Variants in GABRE observed in about 807,000 individuals in gnomAD.
GABRE encodes gamma-aminobutyric acid type A receptor subunit epsilon.
A neutral mutation model predicts 31.0 loss-of-function variants in GABRE; 20 were observed. That is an observed-to-expected ratio of 0.64 (90% CI 0.45 to 0.94). GABRE has a LOEUF of 0.94. Among genes scored for constraint, GABRE ranks in the 40% least tolerant of loss-of-function variants. The pLI is 0.00. For synonymous variants in GABRE, 155 were observed against 150.6 expected, an observed-to-expected ratio of 1.03 and a Z score of -0.21; for missense variants, 420 against 410.7, an observed-to-expected ratio of 1.02 and a Z score of -0.20.
At position 151,969,733 on chromosome X, in the gene GABRE, T is replaced by G. The variant is rs776383079; in HGVS notation, c.278A>C (p.Lys93Thr). The part of the protein sequence containing the change: ...DHKLRPGIGE[K>T]PTVVTVEISV... ...GATCTCAACAGTGACCACAGTGGGC[T>G]TCTCTATAAGGGAAGCAGAAGCAGC... The change falls in exon 3 of 9, where the codon AAG becomes ACG. Residue 93 changes from lysine (K) to threonine (T), a missense_variant. By Grantham distance (78) the Lys-to-Thr change is moderately conservative. Transcript: ENST00000370328. 8.3e-7 allele frequency: 1 copy of G among 1,209,654 alleles called. No individual in the cohort carries two copies. Among genetic ancestry groups the G allele is most frequent in the East Asian group, 3.0e-5 (1 of 33,787 alleles).
intron 3 of GABRE, among the ~76,000 whole-genome samples, chrX:151,967,614 C>A (rs1031412030): frequency 8.9e-6 from 1 of 112,401 alleles, no homozygotes; most frequent in Non-Finnish European, 1.9e-5. Flanking sequence ...AATTCATACC[C>A]ATTTTTAAAA....
At chrX:151,973,935 G>C (rs1017751513) in intron 1 of GABRE, among the ~76,000 whole-genome samples, 4 of 111,373 alleles carry the variant, frequency 3.6e-5, no homozygotes, top group African/African-American at 1.3e-4. Flanking sequence ...CAGCGGTGGA[G>C]AGGGGGCATA....
chrX:151,964,315 G>A (rs1245230577), intron 3 of GABRE, among the ~76,000 whole-genome samples: 3 of 111,793 alleles, frequency 2.7e-5, no homozygotes, highest in East Asian at 2.8e-4. Flanking sequence ...CCCTTTACCA[G>A]TGGGCAAAGG....
At chrX:151,955,283 C>T in intron 8 of GABRE, 85 bp downstream of exon 8, 1 of 1,208,194 alleles carries the variant, frequency 8.3e-7, no homozygotes. Context: ...GCAAGCTGAC[C>T]ACCCATGTGC....
intron 1 of GABRE, chrX:151,970,636 T>C (rs1285118918): frequency 2.6e-6 from 1 of 381,765 alleles, no homozygotes; most frequent in Non-Finnish European, 4.4e-6. Context: ...CACTCTTTTA[T>C]TTAAGAAAAA....
chrX:151,971,949 G>A (rs188506938), intron 1 of GABRE: 20 of 397,372 alleles, frequency 5.0e-5, no homozygotes, highest in Admixed American at 1.0e-4. Context: ...CCTGATCTAG[G>A]TGTTGGTTAC....
At chrX:151,958,356 C>A (rs2124155090) in intron 6 of GABRE, 1 of 242,197 alleles carries the variant, frequency 4.1e-6, no homozygotes. Context: ...TCGCCGAGCA[C>A]GTAAGTATGC....
chrX:151,972,081 A>G, intron 1 of GABRE: 1 of 753,595 alleles, frequency 1.3e-6, no homozygotes, highest in African/African-American at 2.3e-5. Flanking sequence ...GTTTCCTAAA[A>G]TAAGGGGTAA....
intron 3 of GABRE, among the ~76,000 whole-genome samples, chrX:151,967,708 A>T (rs951026128): frequency 1.8e-5 from 2 of 112,844 alleles, no homozygotes; most frequent in East Asian, 2.8e-4. Context: ...CTGATTATCA[A>T]GGGAAGAGTC....
rs78664911 is a variant in GABRE, at chrX:151,959,838, C to T, written c.784+1G>A. ...CTTCCGCCAAGCCCTGGCACGCTTA[C>T]CAACTGGGGTTGTGATTATTTCAGT... On this transcript the variant is annotated splice_donor_variant, in intron 6 of 8. Coordinates refer to ENST00000370328, the MANE Select transcript of GABRE (RefSeq NM_004961.4). LOFTEE classifies it high-confidence loss of function. 8.3e-7 allele frequency: 1 copy of T among 1,210,229 alleles called. No individual in the cohort carries two copies. The highest frequency in any genetic ancestry group is 1.1e-6 in the Non-Finnish European group (1 of 894,684).
At chrX:151,957,847 A>G in intron 6 of GABRE, 1 of 165,479 alleles carries the variant, frequency 6.0e-6, no homozygotes. Flanking sequence ...GCAGTGTCAG[A>G]GGGACACAAT....
rs773271370 is a variant in GABRE, at chrX:151,970,287, C to T, written c.172G>A (p.Glu58Lys). The change falls in exon 2 of 9, where the codon GAG becomes AAG. Residue 58 changes from glutamate (E) to lysine (K), a missense_variant. Transcript: ENST00000370328. Reference sequence around the variant, plus strand: ...CCAACTCTGCTCCCAGTCTCAGTCTCAGTTGACTTTGTTTCCTCAGAGAGG... The same window carrying T: ...CCAACTCTGCTCCCAGTCTCAGTCTTAGTTGACTTTGTTTCCTCAGAGAGG... The part of the protein sequence containing the change: ...QLLSEETKST[E>K]TETGSRVGKL... 2 of 1,212,195 alleles carry T rather than the reference C, an allele frequency of 1.6e-6. No homozygotes were observed. Among genetic ancestry groups the T allele is most frequent in the Non-Finnish European group, 2.2e-6 (2 of 895,685 alleles).
rs2124141609 is a variant in GABRE at position 151,954,202 on chromosome X, G to T, written c.*499C>A. The T allele has an allele frequency of 8.7e-6, 1 of 114,851 alleles. No individual in the cohort carries two copies. 9.5% of individuals were successfully genotyped at this position (114,851 alleles called of 1,213,427 possible). A position where few individuals can be genotyped will look rare whatever the true frequency, so the allele number is the denominator to read the frequency against. Reference sequence around the variant, plus strand: ...CAAAGGAGAGGGATCTCTTCCTCCTGTTATACTGCTGCCCAGCATCTTAAT... The same window carrying T: ...CAAAGGAGAGGGATCTCTTCCTCCTTTTATACTGCTGCCCAGCATCTTAAT... On this transcript the variant is annotated 3_prime_UTR_variant, in exon 9 of 9. Coordinates refer to ENST00000370328, the MANE Select transcript of GABRE (RefSeq NM_004961.4).
At position 151,954,158 on chromosome X, in the gene GABRE, G is replaced by A. The variant is rs1934051358; in HGVS notation, c.*543C>T. On this transcript the variant is annotated 3_prime_UTR_variant, in exon 9 of 9. Coordinates refer to ENST00000370328, the MANE Select transcript of GABRE (RefSeq NM_004961.4). ...AAAGGGGTAGCAGGGAGAGAGAACT[G>A]AGAACATAATAATCTGACCAAAGGA... The A allele has an allele frequency of 8.9e-6, 1 of 112,100 alleles. No homozygotes were observed. The highest frequency in any genetic ancestry group is 3.8e-4 in the South Asian group (1 of 2,644). 9.2% of individuals were successfully genotyped at this position (112,100 alleles called of 1,213,427 possible).
intron 1 of GABRE, among the ~76,000 whole-genome samples, chrX:151,973,081 A>G (rs1934766994): frequency 1.8e-5 from 2 of 110,299 alleles, no homozygotes; most frequent in Admixed American, 1.9e-4. Context: ...AGATGGACAA[A>G]CTGAGGCCCA....
chrX:151,969,499 C>A, intron 3 of GABRE, 170 bp downstream of exon 3: 1 of 394,661 alleles, frequency 2.5e-6, no homozygotes. Context: ...AAGGGACTTA[C>A]CTTTTCCAGT....
intron 3 of GABRE, chrX:151,969,448 G>A (rs1238226535): frequency 3.2e-6 from 1 of 314,121 alleles, no homozygotes; most frequent in Admixed American, 5.7e-5. Context: ...TGAAAAAACT[G>A]GAAGATATGG....
chrX:151,967,447 G>C (rs1214943137), intron 3 of GABRE, among the ~76,000 whole-genome samples: 3 of 111,894 alleles, frequency 2.7e-5, no homozygotes, highest in Non-Finnish European at 3.8e-5. Flanking sequence ...TGCCCAGCTA[G>C]AATAGCATCG....
chrX:151,956,768 C>G (rs1438602667), intron 6 of GABRE: 1 of 112,423 alleles, frequency 8.9e-6, no homozygotes, highest in African/African-American at 3.2e-5. Flanking sequence ...TCCTCACAGT[C>G]ACTTGGACAT....
Sources: allele counts gnomAD v4.1 joint callset (sites outside exome capture counted in the v4.1 genomes callset), GRCh38; gene constraint gnomAD v4.1.1; transcripts MANE v1.5; gene names NCBI Gene and HGNC (gene_info 2026-07-23, HGNC 2026-07-21).